UCHL5: variants seen among roughly 807,000 people sequenced by gnomAD.
UCHL5 encodes ubiquitin carboxyl-terminal hydrolase isozyme L5.
In UCHL5, 34 loss-of-function variants were observed where a neutral mutation model predicts 53.8. The ratio of observed to expected loss-of-function variants is 0.63; its 90% CI spans 0.48 to 0.84. UCHL5 has a LOEUF of 0.84. Among genes scored for constraint, UCHL5 ranks in the 40% least tolerant of loss-of-function variants. The pLI, the probability that UCHL5 is intolerant of heterozygous loss-of-function variation, is 0.00. For missense variants in UCHL5, 290 were observed against 385.6 expected (o/e 0.75, Z 2.08); for synonymous variants, 111 against 126.3 (o/e 0.88, Z 0.81).
chr1:193,027,405 C>T (rs1452059177), intron 7 of UCHL5, among the ~76,000 whole-genome samples: 2 of 152,128 alleles, frequency 1.3e-5, no homozygotes, highest in Non-Finnish European at 2.9e-5. Flanking sequence ...AAATACCTAG[C>T]CGGGTGCAGT....
At chr1:193,032,323 T>C (rs529733077) in intron 3 of UCHL5, among the ~76,000 whole-genome samples, 1 of 152,280 alleles carries the variant, frequency 6.6e-6, no homozygotes, top group East Asian at 1.9e-4. Flanking sequence ...TGGCTAGCCA[T>C]ATGCAGAAAA....
chr1:193,014,996 A>C lies in UCHL5; in HGVS notation c.*1355T>G, dbSNP rs1419417434. ...AAAATTATATCATGGCTTTGAAAAC[A>C]CTCCATAATTATTACTGTATCAACA... On this transcript the variant is annotated 3_prime_UTR_variant, in exon 11 of 11. Coordinates refer to ENST00000367454, the MANE Select transcript of UCHL5 (RefSeq NM_001199261.3). 2.6e-5 allele frequency: 4 copies of C among 152,100 alleles called. No individual in the cohort carries two copies. Among genetic ancestry groups the C allele is most frequent in the Non-Finnish European group, 4.4e-5 (3 of 67,972 alleles). 9.4% of individuals were successfully genotyped at this position (152,100 alleles called of 1,614,324 possible).
chr1:193,035,637 A>G (rs927472077), intron 3 of UCHL5, among the ~76,000 whole-genome samples: 2 of 152,068 alleles, frequency 1.3e-5, no homozygotes, highest in African/African-American at 4.8e-5. Context: ...AATGCGCAAA[A>G]CCAAAACATT....
At chr1:193,041,661 A>ATTGTGT (rs943513126) in intron 3 of UCHL5, among the ~76,000 whole-genome samples, 2 of 152,228 alleles carry the variant, frequency 1.3e-5, no homozygotes, top group Admixed American at 1.3e-4. Context: ...TGTACAAAAA[A>ATTGTGT]TGTTTACAGC....
At position 193,027,201 on chromosome 1, in the gene UCHL5, T is replaced by C. The variant is rs567741691; in HGVS notation, c.629+884A>G. On this transcript the variant is annotated intron_variant, in intron 7 of 10. Coordinates refer to ENST00000367454, the MANE Select transcript of UCHL5 (RefSeq NM_001199261.3). ...CAGTATCCTGGCTGTGATATTACAC[T>C]ATAGTTTTGCAAGATGTTGCCACTG... Among the ~76,000 whole-genome samples, 339 of 152,322 alleles carry C rather than the reference T, an allele frequency of 2.2e-3. 1 individual carries two copies. Among genetic ancestry groups the C allele is most frequent in the Non-Finnish European group, 3.8e-3 (260 of 68,018 alleles).
Position 193,014,995 on chromosome 1 carries a change from C to T in UCHL5, c.*1356G>A, listed in dbSNP as rs1012027655. 3 of 152,070 alleles carry T rather than the reference C, an allele frequency of 2.0e-5. No homozygotes were observed. Among genetic ancestry groups the T allele is most frequent in the African/African-American group, 7.2e-5 (3 of 41,442 alleles). The allele number at this position is 152,070 out of a possible 1,614,324, so 9.4% of individuals were successfully genotyped here. On this transcript the variant is annotated 3_prime_UTR_variant, in exon 11 of 11. Coordinates refer to ENST00000367454, the MANE Select transcript of UCHL5 (RefSeq NM_001199261.3). ...AAAAATTATATCATGGCTTTGAAAA[C>T]ACTCCATAATTATTACTGTATCAAC...
intron 7 of UCHL5, among the ~76,000 whole-genome samples, chr1:193,025,675 T>C (rs1246791304): frequency 6.6e-6 from 1 of 152,176 alleles, no homozygotes; most frequent in Non-Finnish European, 1.5e-5. Flanking sequence ...TACTCCCACC[T>C]GGTGTAATGA....
chr1:193,019,021 T>C (rs1215308126), intron 10 of UCHL5, among the ~76,000 whole-genome samples: 2 of 151,658 alleles, frequency 1.3e-5, no homozygotes, highest in East Asian at 3.8e-4. Flanking sequence ...CAGAAAATGA[T>C]ATTTTAATAT....
chr1:193,014,603 T>C lies in UCHL5; in HGVS notation c.*1748A>G, dbSNP rs530014703. ...AAAATATTACATTTAGGTCTATGAT[T>C]CATCTCAAAGTCATTTTTGTGAGGT... On this transcript the variant is annotated 3_prime_UTR_variant, in exon 11 of 11. Transcript: ENST00000367454. The C allele has an allele frequency of 1.8e-4, 28 of 152,296 alleles. No homozygotes were observed. Among genetic ancestry groups the C allele is most frequent in the African/African-American group, 6.7e-4 (28 of 41,584 alleles). 9.4% of individuals were successfully genotyped at this position (152,296 alleles called of 1,614,324 possible).
chr1:193,032,414 T>A (rs902516013), intron 3 of UCHL5, among the ~76,000 whole-genome samples: 7 of 151,942 alleles, frequency 4.6e-5, no homozygotes, highest in African/African-American at 1.7e-4. Context: ...GACCTAAAAC[T>A]ATAAAAACTC....
At chr1:193,051,144 C>T (rs1172361513) in intron 2 of UCHL5, among the ~76,000 whole-genome samples, 2 of 152,108 alleles carry the variant, frequency 1.3e-5, no homozygotes, top group Admixed American at 6.5e-5. Context: ...TTCCAGACTC[C>T]AAGACTCCCA....
At position 193,057,821 on chromosome 1, in the gene UCHL5, A is replaced by G. The variant is rs142214336; in HGVS notation, c.76+1364T>C. On this transcript the variant is annotated intron_variant, in intron 1 of 10. Transcript: ENST00000367454. The stretch of plus-strand genomic sequence containing the variant: ...CTTTTCCTTCTGGCTGTGCTCCTCC[A>G]TGACCTGTGTACTTTTAACATTTTG... Among the ~76,000 whole-genome samples the G allele has an allele frequency of 1.3e-3, 202 of 152,284 alleles. 1 individual carries two copies. Among genetic ancestry groups the G allele is most frequent in the African/African-American group, 4.7e-3 (196 of 41,582 alleles).
upstream of UCHL5, chr1:193,060,048 A>G (rs1389707137): frequency 3.0e-6 from 4 of 1,338,756 alleles, no homozygotes; most frequent in Non-Finnish European, 4.0e-6. Context: ...GCTTGTCGGC[A>G]TCGCTCCCCA....
chr1:193,038,737 T>C (rs1664511013), intron 3 of UCHL5, among the ~76,000 whole-genome samples: 1 of 152,182 alleles, frequency 6.6e-6, no homozygotes, highest in African/African-American at 2.4e-5. Context: ...AGCTCACACC[T>C]GTAATCTCAG....
In UCHL5 at chr1:193,015,073, C is replaced by T. The variant is rs1412770684; in HGVS notation, c.*1278G>A. 6.6e-6 allele frequency: 1 copy of T among 152,020 alleles called. No homozygotes were observed. The highest frequency in any genetic ancestry group is 2.4e-5 in the African/African-American group (1 of 41,422). The allele number at this position is 152,020 out of a possible 1,614,324, so 9.4% of individuals were successfully genotyped here. A position where few individuals can be genotyped will look rare whatever the true frequency, so the allele number is the denominator to read the frequency against. On this transcript the variant is annotated 3_prime_UTR_variant, in exon 11 of 11. Transcript: ENST00000367454. The stretch of plus-strand genomic sequence containing the variant: ...TGAGAGACTACATATTTTCCATTAC[C>T]TCCAACTGAAATTATGTATGAAAAA...
chr1:193,038,409 C>T (rs572075982), intron 3 of UCHL5, among the ~76,000 whole-genome samples: 12 of 149,084 alleles, frequency 8.0e-5, no homozygotes, highest in Middle Eastern at 3.5e-3. Context: ...GAGCCGAGAT[C>T]GCGCCACTGC....
At chr1:193,020,180 A>C in intron 10 of UCHL5, 1 of 1,318,404 alleles carries the variant, frequency 7.6e-7, no homozygotes, top group Non-Finnish European at 9.7e-7. Flanking sequence ...TCAATCAATA[A>C]GGTAATATAC....
At chr1:193,059,651 G>T (rs1672214293), upstream of UCHL5, 1 of 1,386,220 alleles carries the variant, frequency 7.2e-7, no homozygotes, top group East Asian at 4.2e-5. This position sits in a 1 kb window ranked among gnomAD's most constrained non-coding sequence, Gnocchi z 4.9. Context: ...CCCGGCGGCA[G>T]TGGGGCTGTT....
At chr1:193,053,836 AGGCCCT>A (rs1669816084) in intron 1 of UCHL5, among the ~76,000 whole-genome samples, 1 of 152,232 alleles carries the variant, frequency 6.6e-6, no homozygotes, top group Non-Finnish European at 1.5e-5. Context: ...GCATGGTACT[AGGCCCT>A]GGCAAAGACA....
Sources: gnomAD v4.1 joint callset for allele counts (sites outside exome capture counted in the v4.1 genomes callset) on GRCh38, gnomAD v4.1.1 for gene constraint, Gnocchi (gnomAD v3.1) non-coding constraint, MANE v1.5 for transcripts, NCBI Gene and HGNC (gene_info 2026-07-23, HGNC 2026-07-21) for gene names.